LMLN: variants seen among roughly 807,000 people sequenced by gnomAD.
LMLN encodes leishmanolysin-like peptidase.
A neutral mutation model predicts 92.3 loss-of-function variants in LMLN; 70 were observed. The observed-to-expected ratio is 0.76, with a 90% CI of 0.63 to 0.92. The LOEUF (loss-of-function observed/expected upper bound fraction) is 0.92, where lower values mean the gene tolerates loss of function less well. LMLN is among the 40% of genes least tolerant of loss of function. LMLN has a pLI of 0.00. For missense variants in LMLN, 691 were observed against 814.6 expected (o/e 0.85, Z 1.85); for synonymous variants, 308 against 296.2 (o/e 1.04, Z -0.41).
chr3:197,978,691 CTTA>C (rs1721472101), intron 5 of LMLN, among the ~76,000 whole-genome samples: 2 of 152,040 alleles, frequency 1.3e-5, no homozygotes, highest in African/African-American at 4.8e-5. Flanking sequence ...TAAGCTAGTG[CTTA>C]ATAAAAAACT....
At chr3:197,983,040 C>A (rs1253441982) in intron 6 of LMLN, among the ~76,000 whole-genome samples, 2 of 152,136 alleles carry the variant, frequency 1.3e-5, no homozygotes, top group African/African-American at 4.8e-5. Context: ...GAAGTGAAAT[C>A]CATTTTATAT....
At chr3:197,964,658 A>G (rs1238819644) in intron 1 of LMLN, among the ~76,000 whole-genome samples, 6 of 151,518 alleles carry the variant, frequency 4.0e-5, no homozygotes, top group Admixed American at 3.9e-4. Context: ...TGGCCTCCCA[A>G]AGTGCTGGGA....
chr3:198,001,555 G>A (rs1467844818), intron 11 of LMLN, among the ~76,000 whole-genome samples: 1 of 152,202 alleles, frequency 6.6e-6, no homozygotes, highest in East Asian at 1.9e-4. Flanking sequence ...AGGGGCACCT[G>A]TCACTATCTG....
At chr3:198,023,095 AC>A (rs961223203) in intron 13 of LMLN, among the ~76,000 whole-genome samples, 16 of 152,268 alleles carry the variant, frequency 1.1e-4, no homozygotes, top group East Asian at 5.8e-4. Context: ...CTCAGCCGTT[AC>A]CGTCTGAAAG....
At chr3:198,013,166 C>T (rs1350336992) in intron 11 of LMLN, among the ~76,000 whole-genome samples, 13 of 105,294 alleles carry the variant, frequency 1.2e-4, no homozygotes, top group South Asian at 3.2e-4. Context: ...GACTTCTCTC[C>T]ACCCTTTAGA....
At chr3:198,039,030 G>A (rs776122385) in exon 16 of LMLN, 11 of 210,116 alleles carry the variant, frequency 5.2e-5, no homozygotes, top group Non-Finnish European at 8.7e-5. Context: ...CACCTCATCA[G>A]CAAACCAACC....
At chr3:198,041,513 T>G (rs1246772359) in exon 16 of LMLN, 3 of 152,220 alleles carry the variant, frequency 2.0e-5, no homozygotes, top group Non-Finnish European at 4.4e-5. Context: ...ATGCCCAAGA[T>G]ACCTCATTAG....
intron 5 of LMLN, among the ~76,000 whole-genome samples, chr3:197,979,841 A>G (rs1300588077): frequency 4.6e-5 from 7 of 152,188 alleles, no homozygotes; most frequent in African/African-American, 1.7e-4. Context: ...ACAAGGGGAG[A>G]TGACTCATAC....
chr3:197,985,916 TCTC>T, intron 8 of LMLN, 26 bp downstream of exon 8: 1 of 1,405,348 alleles, frequency 7.1e-7, no homozygotes, highest in Middle Eastern at 1.8e-4. Flanking sequence ...TTGCTCTTGT[TCTC>T]CTCTTTTAGG....
At chr3:197,987,630 C>G (rs1721751038) in intron 8 of LMLN, among the ~76,000 whole-genome samples, 1 of 152,134 alleles carries the variant, frequency 6.6e-6, no homozygotes, top group African/African-American at 2.4e-5. Flanking sequence ...TCGTAATTTT[C>G]TATAATAGAT....
chr3:197,960,768 C>T (rs1456499401), intron 1 of LMLN, among the ~76,000 whole-genome samples: 1 of 152,100 alleles, frequency 6.6e-6, no homozygotes, highest in Non-Finnish European at 1.5e-5. Context: ...CTTAGTGACT[C>T]AGTAGGTCTG....
chr3:198,028,936 C>T (rs1017150724), intron 14 of LMLN, among the ~76,000 whole-genome samples: 6 of 151,628 alleles, frequency 4.0e-5, no homozygotes, highest in African/African-American at 1.5e-4. Flanking sequence ...TTCTTAGTAT[C>T]ATCTTACATC....
intron 8 of LMLN, among the ~76,000 whole-genome samples, chr3:197,988,481 C>CTTTTTTTTTTTTTTTT (rs67505779): frequency 2.4e-5 from 1 of 42,034 alleles, no homozygotes; most frequent in Non-Finnish European, 4.0e-5. Flanking sequence ...GGATTTACCC[C>CTTTTTTTTTTTTTTTT]TTTTTTTTTT....
chr3:198,000,925 T>A (rs566664413), intron 11 of LMLN, among the ~76,000 whole-genome samples: 265 of 152,254 alleles, frequency 1.7e-3, no homozygotes, highest in African/African-American at 6.1e-3. Flanking sequence ...ATTATTTTTT[T>A]TTATTTTTAG....
intron 11 of LMLN, among the ~76,000 whole-genome samples, chr3:198,007,076 GGTA>G (rs150750047): frequency 0.27 from 41,057 of 151,800 alleles, 8,067 homozygotes; most frequent in African/African-American, 0.56. Context: ...GGGTATTTTG[GGTA>G]GTAGTAGTCC....
intron 1 of LMLN, among the ~76,000 whole-genome samples, chr3:197,971,034 G>A (rs965730937): frequency 6.6e-6 from 1 of 152,148 alleles, no homozygotes; most frequent in Admixed American, 6.5e-5. Context: ...ATTGGATATA[G>A]ACTTCTGTGT....
chr3:198,027,777 G>A (rs1482184484), intron 14 of LMLN, among the ~76,000 whole-genome samples: 1 of 152,114 alleles, frequency 6.6e-6, no homozygotes, highest in Non-Finnish European at 1.5e-5. Context: ...CACTTAGGTC[G>A]TTTGTGTCCA....
chr3:197,988,380 C>T (rs1264065993), intron 8 of LMLN, among the ~76,000 whole-genome samples: 2 of 150,924 alleles, frequency 1.3e-5, no homozygotes, highest in African/African-American at 2.4e-5. Context: ...ACATTTATAG[C>T]TTCAATGCAT....
At chr3:197,971,877 C>G (rs1721233411) in intron 1 of LMLN, among the ~76,000 whole-genome samples, 1 of 150,908 alleles carries the variant, frequency 6.6e-6, no homozygotes. Context: ...ATATTTTCTC[C>G]TGTCCTTATA....
Sources: allele counts gnomAD v4.1 joint callset (sites outside exome capture counted in the v4.1 genomes callset), GRCh38; gene constraint gnomAD v4.1.1; transcripts MANE v1.5; gene names NCBI Gene and HGNC (gene_info 2026-07-23, HGNC 2026-07-21).